Variants in DNER observed in about 807,000 individuals in gnomAD.
DNER encodes delta and Notch-like epidermal growth factor-related receptor.
In DNER, 33 loss-of-function variants were observed where a neutral mutation model predicts 78.2. That is an observed-to-expected ratio of 0.42 (90% CI 0.32 to 0.56). The LOEUF (loss-of-function observed/expected upper bound fraction) is 0.56. Ranked by LOEUF, DNER falls within the 20% of genes least tolerant of loss-of-function variation. The pLI is 0.11. For missense variants in DNER, 918 were observed against 975.3 expected (o/e 0.94, Z 0.78); for synonymous variants, 417 against 384.8 (o/e 1.08, Z -0.98).
chr2:229,489,912 T>G (rs1442228265), intron 6 of DNER, among the ~76,000 whole-genome samples: 1 of 151,758 alleles, frequency 6.6e-6, no homozygotes, highest in Admixed American at 6.6e-5. Context: ...AAAAGCAGCA[T>G]GAGGGAGTGG....
At chr2:229,522,267 T>C (rs1464381536) in intron 5 of DNER, among the ~76,000 whole-genome samples, 5 of 152,180 alleles carry the variant, frequency 3.3e-5, no homozygotes, top group Middle Eastern at 3.2e-3. Flanking sequence ...AAACTAGATA[T>C]GTGGGTTGGC....
At chr2:229,607,102 G>A (rs36010441) in intron 1 of DNER, among the ~76,000 whole-genome samples, 6,941 of 152,072 alleles carry the variant, frequency 0.046, 474 homozygotes, top group African/African-American at 0.15. Flanking sequence ...GTGGATAAAC[G>A]GTCAACAAAA....
In DNER at chr2:229,479,982, G is replaced by A. The variant is rs1320699152; in HGVS notation, c.1148-2729C>T. Reference sequence around the variant, plus strand: ...GTCCCCGGAAAGATGTCAGAATTGCGACCACAGAATGACACAAAACCATGA... The same window carrying A: ...GTCCCCGGAAAGATGTCAGAATTGCAACCACAGAATGACACAAAACCATGA... On this transcript the variant is annotated intron_variant, in intron 6 of 12. Coordinates refer to ENST00000341772, the MANE Select transcript of DNER (RefSeq NM_139072.4). Among the ~76,000 whole-genome samples, 4 of 152,096 alleles carry A rather than the reference G, an allele frequency of 2.6e-5. No individual in the cohort carries two copies. In the East Asian group the frequency reaches 5.8e-4, roughly 22 times the overall value.
intron 11 of DNER, among the ~76,000 whole-genome samples, chr2:229,384,588 G>C (rs535636983): frequency 6.6e-6 from 1 of 152,232 alleles, no homozygotes; most frequent in South Asian, 2.1e-4. Context: ...TATCACCGCT[G>C]ATCTGATAGA....
At chr2:229,572,905 A>T (rs1036296433) in intron 4 of DNER, among the ~76,000 whole-genome samples, 36 of 152,354 alleles carry the variant, frequency 2.4e-4, no homozygotes, top group African/African-American at 8.4e-4. Flanking sequence ...TTACATAATG[A>T]GTATAACTTG....
intron 9 of DNER, among the ~76,000 whole-genome samples, chr2:229,417,850 C>T (rs67447525): frequency 0.092 from 14,033 of 152,072 alleles, 842 homozygotes; most frequent in South Asian, 0.17. Flanking sequence ...TTGTTTTCAG[C>T]TTTTTACACA....
In DNER at chr2:229,574,511, T is replaced by C. The variant is rs138098474; in HGVS notation, c.847+11347A>G. On this transcript the variant is annotated intron_variant, in intron 4 of 12. Transcript: ENST00000341772. ...AATAACCAGACAGTAAATGAATGTA[T>C]TCTTCTTTCCAAAAACAGTGTATGT... 4.6e-4 allele frequency among the ~76,000 whole-genome samples: 70 copies of C among 152,298 alleles called. No individual in the cohort carries two copies. In the East Asian group the frequency reaches 0.012, roughly 27 times the overall value.
intron 4 of DNER, among the ~76,000 whole-genome samples, chr2:229,563,412 G>A (rs797014257): frequency 0.011 from 460 of 40,494 alleles, no homozygotes; most frequent in Middle Eastern, 0.043. Flanking sequence ...TCACCCCATC[G>A]CCATCATCAT....
At chr2:229,423,084 G>A (rs1020749071) in intron 8 of DNER, among the ~76,000 whole-genome samples, 3 of 152,126 alleles carry the variant, frequency 2.0e-5, no homozygotes, top group Non-Finnish European at 4.4e-5. Context: ...GAAAATTAGG[G>A]GTGGGAGTGA....
At chr2:229,418,365 T>A (rs939094698) in intron 8 of DNER, 135 bp from the exon 9 acceptor site, 11 of 1,235,212 alleles carry the variant, frequency 8.9e-6, no homozygotes, top group East Asian at 7.5e-5. Context: ...AGGAGCTAGA[T>A]CTCTTGGGGT....
At chr2:229,622,583 C>T (rs1181222535) in intron 1 of DNER, among the ~76,000 whole-genome samples, 1 of 152,172 alleles carries the variant, frequency 6.6e-6, no homozygotes, top group African/African-American at 2.4e-5. Context: ...CGTGTACCCC[C>T]AAAAGAAGAT....
intron 10 of DNER, among the ~76,000 whole-genome samples, chr2:229,399,151 T>C (rs1365681365): frequency 1.3e-5 from 2 of 151,682 alleles, no homozygotes; most frequent in Non-Finnish European, 2.9e-5. Flanking sequence ...TCATTATTTA[T>C]GTAGAAAATC....
intron 9 of DNER, among the ~76,000 whole-genome samples, chr2:229,411,708 A>G (rs1188553701): frequency 6.6e-6 from 1 of 152,228 alleles, no homozygotes; most frequent in Non-Finnish European, 1.5e-5. Context: ...CCCACATCAC[A>G]TGTAACAACA....
chr2:229,673,239 C>A (rs1699240687), intron 1 of DNER, among the ~76,000 whole-genome samples: 1 of 152,176 alleles, frequency 6.6e-6, no homozygotes, highest in Non-Finnish European at 1.5e-5. Context: ...TCAGAACTGA[C>A]AGTGCCTGGC....
intron 7 of DNER, among the ~76,000 whole-genome samples, chr2:229,455,331 G>T (rs1694547012): frequency 6.6e-6 from 1 of 152,072 alleles, no homozygotes; most frequent in South Asian, 2.1e-4. Flanking sequence ...CCTACAAAAT[G>T]GTGTTGGCTC....
At chr2:229,520,085 T>C (rs1186111338) in intron 5 of DNER, among the ~76,000 whole-genome samples, 2 of 152,212 alleles carry the variant, frequency 1.3e-5, no homozygotes, top group Non-Finnish European at 2.9e-5. Flanking sequence ...TTGGAAGTCC[T>C]TGATGTCTGA....
At chr2:229,517,352 A>C (rs1559154962) in intron 5 of DNER, among the ~76,000 whole-genome samples, 1 of 152,320 alleles carries the variant, frequency 6.6e-6, no homozygotes, top group Non-Finnish European at 1.5e-5. Flanking sequence ...TAGTAAATTA[A>C]GTTATAAATG....
intron 11 of DNER, 142 bp from the exon 12 acceptor site, chr2:229,367,261 C>G: frequency 1.6e-6 from 2 of 1,231,858 alleles, no homozygotes; most frequent in Non-Finnish European, 2.2e-6. Flanking sequence ...TTATCCAGAC[C>G]CAGGGTTAAT....
chr2:229,413,153 T>C (rs1021447606), intron 9 of DNER, among the ~76,000 whole-genome samples: 6 of 152,066 alleles, frequency 3.9e-5, no homozygotes, highest in African/African-American at 1.4e-4. Context: ...CTAAGAGTCT[T>C]ACATTATTAT....
Sources: allele counts gnomAD v4.1 joint callset (sites outside exome capture counted in the v4.1 genomes callset), GRCh38; gene constraint gnomAD v4.1.1; transcripts MANE v1.5; gene names NCBI Gene and HGNC (gene_info 2026-07-23, HGNC 2026-07-21).